The following SAMMSON variants were observed in gnomAD, a reference collection of about 807,000 sequenced individuals.
SAMMSON encodes survival associated mitochondrial melanoma specific oncogenic non-coding RNA.
Position 70,180,032 on chromosome 3 carries a change from G to A in SAMMSON, n.508-69075G>A, listed in dbSNP as rs186791248. 4.7e-5 allele frequency among the ~76,000 whole-genome samples: 7 copies of A among 149,396 alleles called. No homozygotes were observed. In the East Asian group the frequency reaches 7.9e-4, roughly 17 times the overall value. On this transcript the variant is annotated intron_variant and non_coding_transcript_variant, in intron 4 of 9. Coordinates refer to ENST00000642114, the Ensembl canonical transcript of SAMMSON. Reference sequence around the variant, plus strand: ...TGTGTGTGTGTGTGTGTGTGTGCGCGCACGTGTGTGTGAAGAAAAAAATGG... The same window carrying A: ...TGTGTGTGTGTGTGTGTGTGTGCGCACACGTGTGTGTGAAGAAAAAAATGG...
At chr3:70,000,622 A>T (rs2066902278) in intron 1 of SAMMSON, among the ~76,000 whole-genome samples, 1 of 152,198 alleles carries the variant, frequency 6.6e-6, no homozygotes, top group South Asian at 2.1e-4. Context: ...TTCTATGCTT[A>T]CTGTATTAGT....
intron 3 of SAMMSON, chr3:70,070,161 A>C (rs982910617): frequency 1.3e-5 from 2 of 152,106 alleles, no homozygotes; most frequent in Admixed American, 6.6e-5. Flanking sequence ...AAGTAATTGT[A>C]GGCTCATAAG....
At chr3:70,418,859 C>A (rs1018913461) in intron 2 of SAMMSON, among the ~76,000 whole-genome samples, 15 of 152,212 alleles carry the variant, frequency 9.9e-5, no homozygotes, top group Admixed American at 9.8e-4. Context: ...AAAATATTAT[C>A]TTTTTTGAAT....
intron 4 of SAMMSON, among the ~76,000 whole-genome samples, chr3:70,238,605 G>T (rs1460947759): frequency 6.6e-6 from 1 of 151,352 alleles, no homozygotes; most frequent in Non-Finnish European, 1.5e-5. Flanking sequence ...GTGAGCACTT[G>T]TCTCAAAAAA....
chr3:70,105,352 A>G (rs1024408368), intron 4 of SAMMSON, among the ~76,000 whole-genome samples: 4 of 152,202 alleles, frequency 2.6e-5, no homozygotes, highest in African/African-American at 9.6e-5. Context: ...TTCAGAAATA[A>G]TGAGTGGGGA....
chr3:70,119,000 T>G (rs2067422375), intron 4 of SAMMSON, among the ~76,000 whole-genome samples: 1 of 152,198 alleles, frequency 6.6e-6, no homozygotes. Flanking sequence ...TGTGCACTCT[T>G]TCCTAGATTT....
intron 2 of SAMMSON, among the ~76,000 whole-genome samples, chr3:70,433,717 A>C (rs1701434476): frequency 6.6e-6 from 1 of 152,160 alleles, no homozygotes; most frequent in African/African-American, 2.4e-5. Flanking sequence ...TATCTAAAAA[A>C]AATCAACAAA....
intron 4 of SAMMSON, among the ~76,000 whole-genome samples, chr3:70,230,513 T>C (rs1331711286): frequency 1.5e-5 from 2 of 137,058 alleles, no homozygotes; most frequent in Non-Finnish European, 3.2e-5. Flanking sequence ...TATATATATA[T>C]ACAGTTTTGC....
intron 4 of SAMMSON, chr3:70,125,638 G>A (rs1399321627): frequency 1.1e-5 from 8 of 699,428 alleles, no homozygotes; most frequent in Non-Finnish European, 1.8e-5. Flanking sequence ...TGGCATGTCG[G>A]TAGATATATG....
chr3:70,328,969 AG>A (rs1194417075), intron 7 of SAMMSON, among the ~76,000 whole-genome samples: 1 of 152,206 alleles, frequency 6.6e-6, no homozygotes, highest in Non-Finnish European at 1.5e-5. Context: ...AAATGACAAC[AG>A]ACAGTAGCCA....
At chr3:70,197,195 G>A in intron 4 of SAMMSON, 1 of 398,458 alleles carries the variant, frequency 2.5e-6, no homozygotes, top group Non-Finnish European at 4.4e-6. Flanking sequence ...TCTGTTTAAA[G>A]AAGAAGACCA....
chr3:70,182,219 C>T (rs1191199971), intron 4 of SAMMSON, among the ~76,000 whole-genome samples: 1 of 152,098 alleles, frequency 6.6e-6, no homozygotes, highest in African/African-American at 2.4e-5. Context: ...AACCCCCGCC[C>T]CCACCTTCGA....
chr3:70,018,199 G>A lies in SAMMSON; in HGVS notation n.417+4527G>A, dbSNP rs185356462. On this transcript the variant is annotated intron_variant and non_coding_transcript_variant, in intron 3 of 9. Transcript: ENST00000642114. ...TGTACCTCTGATAGAATTCGGCTGTGAATCCATCTGGTTCTGGACTTTTTT... is the reference window on the plus strand; with the variant it reads ...TGTACCTCTGATAGAATTCGGCTGTAAATCCATCTGGTTCTGGACTTTTTT... 5.5e-3 allele frequency among the ~76,000 whole-genome samples: 844 copies of A among 152,228 alleles called. 6 individuals carry two copies. Among genetic ancestry groups the A allele is most frequent in the Middle Eastern group, 0.01 (3 of 294 alleles).
At chr3:70,125,317 C>T in intron 4 of SAMMSON, 2 of 1,371,590 alleles carry the variant, frequency 1.5e-6, no homozygotes, top group Non-Finnish European at 2.1e-6. Context: ...ATTTAAGGTC[C>T]TTTTCTTGAA....
intron 2 of SAMMSON, among the ~76,000 whole-genome samples, chr3:70,411,306 G>A (rs1701216487): frequency 6.6e-6 from 1 of 152,114 alleles, no homozygotes; most frequent in South Asian, 2.1e-4. Flanking sequence ...CTGGAAGTAA[G>A]GATTTTAAAT....
intron 7 of SAMMSON, among the ~76,000 whole-genome samples, chr3:70,343,192 A>G (rs1702724753): frequency 6.6e-6 from 1 of 152,174 alleles, no homozygotes; most frequent in East Asian, 1.9e-4. Flanking sequence ...TTACATTAAT[A>G]TGGTATATTT....
chr3:70,405,529 T>G (rs558974682), intron 2 of SAMMSON, among the ~76,000 whole-genome samples: 1 of 152,274 alleles, frequency 6.6e-6, no homozygotes, highest in Non-Finnish European at 1.5e-5. Flanking sequence ...ATGGAACTTC[T>G]AGAGATGAAA....
rs2067120371 is a variant in SAMMSON at position 70,045,079 on chromosome 3, TATATATAATTAATTATA to T, written n.418-26389_418-26373del. ...TAATTATAATATATATTATAATTAA[TATATATAATTAATTATA>T]ATATATATTATAATTTATATATATT... On this transcript the variant is annotated intron_variant and non_coding_transcript_variant, in intron 3 of 9. Coordinates refer to ENST00000642114, the Ensembl canonical transcript of SAMMSON. 7.2e-5 allele frequency among the ~76,000 whole-genome samples: 6 copies of T among 83,370 alleles called. No individual in the cohort carries two copies. The South Asian group carries it at 2.1e-3, about 30-fold the overall frequency. The allele number at this position is 83,370 out of a possible 152,430, so 54.7% of individuals were successfully genotyped here.
At position 70,234,752 on chromosome 3, in the gene SAMMSON, A is replaced by G. The variant is rs115624801; in HGVS notation, n.508-14355A>G. Reference sequence around the variant, plus strand: ...ATCTTTGTGATCTACTCACAGACCAACTTTTCTATTTCGTCCCTCACTTCT... The same window carrying G: ...ATCTTTGTGATCTACTCACAGACCAGCTTTTCTATTTCGTCCCTCACTTCT... On this transcript the variant is annotated intron_variant and non_coding_transcript_variant, in intron 4 of 9. Coordinates refer to ENST00000642114, the Ensembl canonical transcript of SAMMSON. Among the ~76,000 whole-genome samples the G allele has an allele frequency of 9.9e-3, 1,513 of 152,268 alleles. 14 individuals are homozygous for G. The highest frequency in any genetic ancestry group is 0.033 in the African/African-American group (1,379 of 41,552).
Sources: gnomAD v4.1 joint callset for allele counts (sites outside exome capture counted in the v4.1 genomes callset) on GRCh38, gnomAD v4.1.1 for gene constraint, MANE v1.5 for transcripts, NCBI Gene and HGNC (gene_info 2026-07-23, HGNC 2026-07-21) for gene names.